Variants in NDUFAF2 observed in about 807,000 individuals in gnomAD.
NDUFAF2 encodes NADH:ubiquinone oxidoreductase complex assembly factor 2, also known as NADH dehydrogenase [ubiquinone] 1 alpha subcomplex assembly factor 2.
NDUFAF2 carries 13 observed loss-of-function variants against 22.8 expected under a neutral mutation model. That is an observed-to-expected ratio of 0.57 (90% CI 0.37 to 0.91). The LOEUF (loss-of-function observed/expected upper bound fraction) is 0.91. Among genes scored for constraint, NDUFAF2 ranks in the 40% least tolerant of loss-of-function variants. NDUFAF2 has a pLI of 0.01. For synonymous variants in NDUFAF2, 53 were observed against 64.2 expected, an observed-to-expected ratio of 0.83 and a Z score of 0.84; for missense variants, 162 against 195.2, an observed-to-expected ratio of 0.83 and a Z score of 1.01.
chr5:61,027,941 A>AT (rs1479417672), intron 1 of NDUFAF2, among the ~76,000 whole-genome samples: 1 of 151,970 alleles, frequency 6.6e-6, no homozygotes, highest in Non-Finnish European at 1.5e-5. Context: ...ATCAGACATT[A>AT]TTTTAGGTTC....
intron 1 of NDUFAF2, among the ~76,000 whole-genome samples, chr5:61,024,430 A>G (rs920668092): frequency 1.4e-4 from 21 of 152,078 alleles, no homozygotes; most frequent in African/African-American, 4.8e-4. Context: ...TTTAGGCCTC[A>G]TATATGTTAA....
chr5:61,112,184 G>T (rs1752850613), intron 3 of NDUFAF2, among the ~76,000 whole-genome samples: 1 of 149,490 alleles, frequency 6.7e-6, no homozygotes, highest in South Asian at 2.1e-4. Context: ...ATTGATCCCT[G>T]TATCATTATA....
chr5:61,012,654 T>G (rs1337217781), intron 1 of NDUFAF2, among the ~76,000 whole-genome samples: 2 of 152,052 alleles, frequency 1.3e-5, no homozygotes, highest in African/African-American at 2.4e-5. Flanking sequence ...GTATTTCATG[T>G]TGAGTAAATG....
chr5:61,093,150 C>G (rs540559623), intron 2 of NDUFAF2, among the ~76,000 whole-genome samples: 1 of 152,160 alleles, frequency 6.6e-6, no homozygotes, highest in African/African-American at 2.4e-5. Context: ...CTGCTCATTC[C>G]GCTTTCTTCT....
At chr5:61,117,281 G>T (rs1256393871) in intron 3 of NDUFAF2, among the ~76,000 whole-genome samples, 2 of 152,126 alleles carry the variant, frequency 1.3e-5, no homozygotes, top group Non-Finnish European at 2.9e-5. Context: ...AGAATATAAA[G>T]TATTGCTTTT....
At chr5:60,972,591 T>C (rs1254200862) in intron 1 of NDUFAF2, among the ~76,000 whole-genome samples, 2 of 152,146 alleles carry the variant, frequency 1.3e-5, no homozygotes, top group Non-Finnish European at 2.9e-5. Flanking sequence ...AATTACCCAG[T>C]CTTGGGTATT....
At chr5:61,046,803 T>C (rs1415490071) in intron 1 of NDUFAF2, among the ~76,000 whole-genome samples, 1 of 152,160 alleles carries the variant, frequency 6.6e-6, no homozygotes, top group Non-Finnish European at 1.5e-5. Context: ...CAAGCTGGGC[T>C]ACATAATGAT....
chr5:61,101,624 T>C (rs1357579695), intron 3 of NDUFAF2, among the ~76,000 whole-genome samples: 2 of 152,110 alleles, frequency 1.3e-5, no homozygotes, highest in Non-Finnish European at 2.9e-5. Flanking sequence ...AGATTTTTTT[T>C]CCAGATCTTT....
intron 3 of NDUFAF2, among the ~76,000 whole-genome samples, chr5:61,110,723 G>T (rs1013636669): frequency 6.6e-6 from 1 of 151,572 alleles, no homozygotes; most frequent in African/African-American, 2.4e-5. Flanking sequence ...TTCTTAATCT[G>T]GCTAAAAGTT....
intron 1 of NDUFAF2, among the ~76,000 whole-genome samples, chr5:60,978,258 ATACTGCGGGTTAAAGTC>A (rs538348747): frequency 0.15 from 22,573 of 152,170 alleles, 2,135 homozygotes; most frequent in South Asian, 0.28. Flanking sequence ...GCAAGCCTTG[ATACTGCGGGTTAAAGTC>A]CTCTGGGGTC....
chr5:61,088,923 A>T (rs950673403), intron 2 of NDUFAF2, among the ~76,000 whole-genome samples: 21 of 152,098 alleles, frequency 1.4e-4, no homozygotes, highest in African/African-American at 4.8e-4. Context: ...GACTATTGAT[A>T]ACCTTTCCGT....
chr5:60,992,227 T>C (rs750365871), intron 1 of NDUFAF2, among the ~76,000 whole-genome samples: 1 of 152,194 alleles, frequency 6.6e-6, no homozygotes, highest in African/African-American at 2.4e-5. Flanking sequence ...TTGGCAAATA[T>C]TTTCTCTTAC....
intron 1 of NDUFAF2, among the ~76,000 whole-genome samples, chr5:61,062,363 T>A (rs550215919): frequency 2.6e-5 from 4 of 152,086 alleles, no homozygotes; most frequent in South Asian, 4.1e-4. Context: ...ATAGATATCA[T>A]AAAAATGAAC....
intron 3 of NDUFAF2, among the ~76,000 whole-genome samples, chr5:61,135,104 G>T (rs1035506199): frequency 6.6e-6 from 1 of 150,918 alleles, no homozygotes; most frequent in African/African-American, 2.4e-5. Flanking sequence ...AATTTGAATT[G>T]GAAATGTCAT....
At chr5:61,051,638 C>T (rs1037309908) in intron 1 of NDUFAF2, among the ~76,000 whole-genome samples, 1 of 151,856 alleles carries the variant, frequency 6.6e-6, no homozygotes, top group Non-Finnish European at 1.5e-5. Context: ...TGGATTTTTG[C>T]TGTATTAAAA....
At chr5:61,122,149 T>G (rs942535922) in intron 3 of NDUFAF2, among the ~76,000 whole-genome samples, 2 of 152,090 alleles carry the variant, frequency 1.3e-5, no homozygotes, top group Admixed American at 1.3e-4. Flanking sequence ...GCTTTCTGAT[T>G]TCAACTCTTT....
At chr5:61,070,574 A>G (rs1325803386) in intron 1 of NDUFAF2, among the ~76,000 whole-genome samples, 2 of 149,172 alleles carry the variant, frequency 1.3e-5, no homozygotes, top group Non-Finnish European at 3.0e-5. Flanking sequence ...CTAGCTCATT[A>G]ATTACTCTTC....
intron 1 of NDUFAF2, among the ~76,000 whole-genome samples, chr5:61,037,095 T>G (rs949398992): frequency 6.6e-6 from 1 of 152,180 alleles, no homozygotes; most frequent in Non-Finnish European, 1.5e-5. Flanking sequence ...TTCAGGGATC[T>G]TGCTCTCTTG....
At chr5:61,083,946 C>T (rs553033926) in intron 2 of NDUFAF2, among the ~76,000 whole-genome samples, 91 of 151,824 alleles carry the variant, frequency 6.0e-4, no homozygotes, top group African/African-American at 2.0e-3. Flanking sequence ...TATTCTCATG[C>T]GTAAGCCTTT....
Sources: allele counts gnomAD v4.1 joint callset (sites outside exome capture counted in the v4.1 genomes callset), GRCh38; gene constraint gnomAD v4.1.1; transcripts MANE v1.5; gene names NCBI Gene and HGNC (gene_info 2026-07-23, HGNC 2026-07-21).